The following PCDHA3 variants were observed in gnomAD, a reference collection of about 807,000 sequenced individuals.
PCDHA3 encodes the protein protocadherin alpha-3.
A neutral mutation model predicts 62.2 loss-of-function variants in PCDHA3; 41 were observed. The observed-to-expected ratio is 0.66, with a 90% CI of 0.51 to 0.86. The LOEUF is 0.86. PCDHA3 is among the 40% of genes least tolerant of loss of function. The pLI is 0.00. For missense variants in PCDHA3, 1,304 were observed against 1,241.2 expected (o/e 1.05, Z -0.76); for synonymous variants, 640 against 555.4 (o/e 1.15, Z -2.14).
At chr5:140,990,900 G>C (rs1164287326) in intron 3 of PCDHA3, among the ~76,000 whole-genome samples, 1 of 152,114 alleles carries the variant, frequency 6.6e-6, no homozygotes, top group Non-Finnish European at 1.5e-5. Flanking sequence ...TCGTTGCTGG[G>C]TCAAGTTTTA....
At chr5:140,849,855 G>T (rs2150454163) in intron 1 of PCDHA3, 3 of 1,598,654 alleles carry the variant, frequency 1.9e-6, no homozygotes, top group Non-Finnish European at 2.6e-6. Flanking sequence ...CAACGCACCA[G>T]CGTTCGCGCA....
intron 1 of PCDHA3, chr5:140,926,866 G>C: frequency 6.6e-7 from 1 of 1,524,204 alleles, no homozygotes; most frequent in Non-Finnish European, 8.8e-7. Flanking sequence ...GTAGCGTGTT[G>C]GTGGAACGTG....
intron 1 of PCDHA3, chr5:140,882,249 T>C (rs1412428548): frequency 6.3e-7 from 1 of 1,595,264 alleles, no homozygotes; most frequent in Non-Finnish European, 8.5e-7. Flanking sequence ...CAGATAGCTC[T>C]GAGGTTTTTG....
chr5:140,883,091 G>A lies in PCDHA3; in HGVS notation c.2394+79500G>A, dbSNP rs782433695. The A allele has an allele frequency of 1.9e-6, 3 of 1,613,994 alleles. No individual in the cohort carries two copies. In the African/African-American group the frequency reaches 4.0e-5, roughly 22 times the overall value. ...CACAGATCCTGATGATGGTACAAAT[G>A]GAGATATAGTTTACTCATTTAGAAG... On this transcript the variant is annotated intron_variant, in intron 1 of 3. Coordinates refer to ENST00000522353, the MANE Select transcript of PCDHA3 (RefSeq NM_018906.3).
intron 1 of PCDHA3, chr5:140,968,133 A>G (rs782213191): frequency 1.5e-5 from 24 of 1,614,022 alleles, no homozygotes; most frequent in Middle Eastern, 3.3e-4. Flanking sequence ...CGTACACTGA[A>G]GGTTGAGATC....
At chr5:140,927,973 C>G (rs77078209) in intron 1 of PCDHA3, 1 of 1,614,216 alleles carries the variant, frequency 6.2e-7, no homozygotes, top group Non-Finnish European at 8.5e-7. Context: ...AGTGATTGCT[C>G]TCTTTAGTGT....
intron 1 of PCDHA3, chr5:140,803,903 AAT>A (rs1763301790): frequency 3.8e-6 from 2 of 520,356 alleles, no homozygotes; most frequent in African/African-American, 3.9e-5. Context: ...TTATTTAGAG[AAT>A]CTGACTTCGA....
chr5:140,877,516 G>A, intron 1 of PCDHA3: 1 of 1,613,816 alleles, frequency 6.2e-7, no homozygotes, highest in Non-Finnish European at 8.5e-7. Flanking sequence ...GTCGTCGCGG[G>A]CCTCAGTGGG....
chr5:140,968,326 C>G (rs1554230623), intron 1 of PCDHA3: 1 of 1,614,058 alleles, frequency 6.2e-7, no homozygotes, highest in Non-Finnish European at 8.5e-7. Context: ...CAGTCACCTC[C>G]TATGTCTCCA....
intron 1 of PCDHA3, chr5:140,831,134 T>C (rs1466835760): frequency 1.3e-5 from 2 of 152,216 alleles, no homozygotes; most frequent in Non-Finnish European, 2.9e-5. Context: ...TTATGGTTAT[T>C]GATTTATTTA....
At chr5:140,849,595 C>T (rs2150441932) in intron 1 of PCDHA3, 1 of 1,598,688 alleles carries the variant, frequency 6.3e-7, no homozygotes, top group South Asian at 1.1e-5. Flanking sequence ...CAACTGGGGA[C>T]AGTTATTGCC....
intron 1 of PCDHA3, among the ~76,000 whole-genome samples, chr5:140,950,405 T>G (rs1258791881): frequency 3.3e-5 from 5 of 152,042 alleles, no homozygotes; most frequent in African/African-American, 1.2e-4. Flanking sequence ...TCTGGGGGAT[T>G]GACAGATTTT....
At chr5:140,823,741 C>G (rs782777236) in intron 1 of PCDHA3, 1 of 1,613,838 alleles carries the variant, frequency 6.2e-7, no homozygotes, top group African/African-American at 1.3e-5. Context: ...CCATGGAGAG[C>G]CCCCGCTGAC....
At chr5:140,938,878 C>T (rs1324581693) in intron 1 of PCDHA3, among the ~76,000 whole-genome samples, 3 of 151,098 alleles carry the variant, frequency 2.0e-5, no homozygotes, top group Admixed American at 1.3e-4. Context: ...TAAGAAGCAA[C>T]ACACACACAC....
rs782537122 is a variant in PCDHA3 at position 140,875,892 on chromosome 5, A to G, written c.2394+72301A>G. On this transcript the variant is annotated intron_variant, in intron 1 of 3. Coordinates refer to ENST00000522353, the MANE Select transcript of PCDHA3 (RefSeq NM_018906.3). ...TGTTCAGAGAAAGGGAACAAAAGGTACCTGTTTCTGAATCTGCGCCTCTGG... is the reference window on the plus strand; with the variant it reads ...TGTTCAGAGAAAGGGAACAAAAGGTGCCTGTTTCTGAATCTGCGCCTCTGG... 9 of 1,614,044 alleles carry G rather than the reference A, an allele frequency of 5.6e-6. No homozygotes were observed. The African/African-American group carries it at 1.2e-4, about 22-fold the overall frequency.
chr5:140,914,145 G>A lies in PCDHA3; in HGVS notation c.2395-64804G>A, dbSNP rs2076623510. Among the ~76,000 whole-genome samples the A allele has an allele frequency of 3.3e-5, 5 of 152,138 alleles. 1 individual carries two copies. The South Asian group carries it at 1.0e-3, about 32-fold the overall frequency. On this transcript the variant is annotated intron_variant, in intron 1 of 3. Transcript: ENST00000522353. ...TTCTTTGTTGAGTTTTTGTCTGTCAGTTCTGTCCAATACGGAAAGTGGGGT... is the reference window on the plus strand; with the variant it reads ...TTCTTTGTTGAGTTTTTGTCTGTCAATTCTGTCCAATACGGAAAGTGGGGT...
intron 1 of PCDHA3, among the ~76,000 whole-genome samples, chr5:140,872,813 A>G (rs2053916797): frequency 6.6e-6 from 1 of 152,208 alleles, no homozygotes; most frequent in Non-Finnish European, 1.5e-5. Flanking sequence ...TAAGTTTTTC[A>G]GATTCATCTA....
chr5:140,894,919 T>C (rs1188144925), intron 1 of PCDHA3, among the ~76,000 whole-genome samples: 1 of 152,348 alleles, frequency 6.6e-6, no homozygotes, highest in Non-Finnish European at 1.5e-5. Context: ...TGTTGCTCTA[T>C]AGATTTCTAT....
intron 1 of PCDHA3, chr5:140,864,420 G>A (rs1430010861): frequency 5.3e-5 from 8 of 152,158 alleles, no homozygotes; most frequent in African/African-American, 1.4e-4. Flanking sequence ...AGGCAGCTTC[G>A]TCCACAAACA....
Sources: allele counts gnomAD v4.1 joint callset (sites outside exome capture counted in the v4.1 genomes callset), GRCh38; gene constraint gnomAD v4.1.1; transcripts MANE v1.5; gene names NCBI Gene and HGNC (gene_info 2026-07-23, HGNC 2026-07-21).